The following FBXL7 variants were observed in gnomAD, a reference collection of about 807,000 sequenced individuals.
FBXL7 encodes F-box and leucine rich repeat protein 7.
Under a neutral mutation model 38.3 loss-of-function variants are expected in FBXL7, and 12 were observed. The observed-to-expected ratio is 0.31, with a 90% CI of 0.20 to 0.51. FBXL7 has a LOEUF of 0.51. FBXL7 is among the 20% of genes least tolerant of loss of function. The pLI is 0.98. For missense variants in FBXL7, 567 were observed against 676.4 expected (o/e 0.84, Z 1.79); for synonymous variants, 297 against 300.9 (o/e 0.99, Z 0.13).
intron 2 of FBXL7, among the ~76,000 whole-genome samples, chr5:15,689,756 T>C (rs371654699): frequency 1.6e-4 from 25 of 152,274 alleles, no homozygotes; most frequent in African/African-American, 5.8e-4. Context: ...CTTTTAAAAT[T>C]TTGCAGATGA....
chr5:15,533,346 C>T (rs964273104), intron 1 of FBXL7, among the ~76,000 whole-genome samples: 1 of 152,036 alleles, frequency 6.6e-6, no homozygotes, highest in Non-Finnish European at 1.5e-5. Context: ...TCCATAGAAA[C>T]GACAAAACAT....
At chr5:15,906,491 AGTT>A (rs2126420056) in intron 2 of FBXL7, among the ~76,000 whole-genome samples, 1 of 126,762 alleles carries the variant, frequency 7.9e-6, no homozygotes, top group South Asian at 2.5e-4. Context: ...ATTATTTTTT[AGTT>A]GTTCAGGATC....
chr5:15,875,962 T>C (rs1740185333), intron 2 of FBXL7, among the ~76,000 whole-genome samples: 1 of 152,186 alleles, frequency 6.6e-6, no homozygotes, highest in Non-Finnish European at 1.5e-5. Flanking sequence ...CGTATGTTTA[T>C]TAAAGCACTA....
At chr5:15,703,502 A>G (rs1330453967) in intron 2 of FBXL7, among the ~76,000 whole-genome samples, 1 of 152,270 alleles carries the variant, frequency 6.6e-6, no homozygotes, top group Non-Finnish European at 1.5e-5. Flanking sequence ...TGAAGCAAAA[A>G]TATTGACAGT....
intron 2 of FBXL7, among the ~76,000 whole-genome samples, chr5:15,880,343 A>T (rs1740392121): frequency 6.6e-6 from 1 of 152,212 alleles, no homozygotes. Flanking sequence ...TAGCCCTCAG[A>T]GCTGAGCTCC....
At chr5:15,871,226 A>G (rs548752485) in intron 2 of FBXL7, among the ~76,000 whole-genome samples, 3 of 152,226 alleles carry the variant, frequency 2.0e-5, no homozygotes, top group Non-Finnish European at 4.4e-5. Context: ...TTAGAAGGAA[A>G]ACTAACAAAC....
intron 1 of FBXL7, among the ~76,000 whole-genome samples, chr5:15,541,417 T>G (rs1450205658): frequency 1.8e-4 from 24 of 131,700 alleles, no homozygotes; most frequent in Non-Finnish European, 3.0e-4. Flanking sequence ...TGTATATATA[T>G]ACATATAGTA....
intron 2 of FBXL7, among the ~76,000 whole-genome samples, chr5:15,773,188 C>G (rs951178891): frequency 6.6e-6 from 1 of 152,158 alleles, no homozygotes; most frequent in Non-Finnish European, 1.5e-5. Flanking sequence ...CCTGAGCAAA[C>G]AAGCCTGGCT....
chr5:15,856,298 C>G (rs1739269913), intron 2 of FBXL7, among the ~76,000 whole-genome samples: 1 of 152,072 alleles, frequency 6.6e-6, no homozygotes, highest in South Asian at 2.1e-4. Context: ...CCTGGTCCCT[C>G]CCACAACACG....
chr5:15,787,873 T>C lies in FBXL7; in HGVS notation c.128-140017T>C, dbSNP rs60543341. On this transcript the variant is annotated intron_variant, in intron 2 of 3. Coordinates refer to ENST00000504595, the MANE Select transcript of FBXL7 (RefSeq NM_012304.5). ...ATCCTGTCTTAATTTCCTAGGGCTGTCACAACATATTACCAGCAACTGGGT... is the reference window on the plus strand; with the variant it reads ...ATCCTGTCTTAATTTCCTAGGGCTGCCACAACATATTACCAGCAACTGGGT... Among the ~76,000 whole-genome samples the C allele has an allele frequency of 4.9e-3, 742 of 152,324 alleles. 12 individuals are homozygous for C. Among genetic ancestry groups the C allele is most frequent in the African/African-American group, 0.017 (700 of 41,576 alleles).
intron 1 of FBXL7, among the ~76,000 whole-genome samples, chr5:15,534,176 C>T (rs1737516142): frequency 6.6e-6 from 1 of 152,144 alleles, no homozygotes; most frequent in Non-Finnish European, 1.5e-5. Flanking sequence ...ATTGACACAT[C>T]ATTATCACCC....
Position 15,842,152 on chromosome 5 carries a change from G to C in FBXL7, c.128-85738G>C, listed in dbSNP as rs766081880. Among the ~76,000 whole-genome samples, 18 of 152,312 alleles carry C rather than the reference G, an allele frequency of 1.2e-4. 1 individual carries two copies. Among genetic ancestry groups the C allele is most frequent in the African/African-American group, 4.1e-4 (17 of 41,576 alleles). On this transcript the variant is annotated intron_variant, in intron 2 of 3. Coordinates refer to ENST00000504595, the MANE Select transcript of FBXL7 (RefSeq NM_012304.5). ...CGCCATCAGTGAAAGCAGCTGGGAG[G>C]GGGGCTGAACCCTGCAAAACCACAG...
intron 1 of FBXL7, among the ~76,000 whole-genome samples, chr5:15,561,639 AT>A (rs200531273): frequency 4.0e-5 from 6 of 151,050 alleles, no homozygotes; most frequent in East Asian, 1.9e-4. Flanking sequence ...ATCACCATGC[AT>A]TTTTTTTTAC....
intron 1 of FBXL7, among the ~76,000 whole-genome samples, chr5:15,537,891 A>G (rs775346842): frequency 1.3e-5 from 2 of 152,230 alleles, no homozygotes; most frequent in Non-Finnish European, 2.9e-5. Context: ...TCTTTGGGTC[A>G]TGGAAAGAGT....
intron 2 of FBXL7, among the ~76,000 whole-genome samples, chr5:15,664,381 A>C (rs555419376): frequency 6.3e-4 from 96 of 151,922 alleles, no homozygotes; most frequent in Non-Finnish European, 9.1e-4. Context: ...AAATAAGAAA[A>C]GTATCTTTAG....
At chr5:15,642,373 A>G (rs35336928) in intron 2 of FBXL7, among the ~76,000 whole-genome samples, 24,776 of 152,166 alleles carry the variant, frequency 0.16, 2,123 homozygotes, top group Non-Finnish European at 0.19. Context: ...AACTTGAGCA[A>G]TTTCCAAGGG....
chr5:15,801,074 C>T (rs1240116834), intron 2 of FBXL7, among the ~76,000 whole-genome samples: 1 of 152,168 alleles, frequency 6.6e-6, no homozygotes, highest in Non-Finnish European at 1.5e-5. Context: ...GAAGCCTTAG[C>T]TTTTGCTCTT....
chr5:15,681,407 C>G (rs776602249), intron 2 of FBXL7, among the ~76,000 whole-genome samples: 14 of 152,116 alleles, frequency 9.2e-5, no homozygotes, highest in Non-Finnish European at 1.5e-5. Flanking sequence ...AAGAAACACT[C>G]TGTTGAAAAA....
intron 2 of FBXL7, among the ~76,000 whole-genome samples, chr5:15,773,549 T>G (rs977443886): frequency 6.6e-6 from 1 of 152,040 alleles, no homozygotes. Context: ...CAAGGGAGGC[T>G]GAGATGGGAG....
Sources: allele counts gnomAD v4.1 joint callset (sites outside exome capture counted in the v4.1 genomes callset), GRCh38; gene constraint gnomAD v4.1.1; transcripts MANE v1.5; gene names NCBI Gene and HGNC (gene_info 2026-07-23, HGNC 2026-07-21).